GPBP1L1: variants seen among roughly 807,000 people sequenced by gnomAD.
The protein encoded by GPBP1L1 is vasculin-like protein 1.
Under a neutral mutation model 52.5 loss-of-function variants are expected in GPBP1L1, and 23 were observed. The observed-to-expected ratio is 0.44, with a 90% CI of 0.32 to 0.62. The LOEUF is 0.62. GPBP1L1 is among the 20% of genes least tolerant of loss of function. The pLI, the probability that GPBP1L1 is intolerant of heterozygous loss-of-function variation, is 0.06. For synonymous variants in GPBP1L1, 243 were observed against 203.1 expected, an observed-to-expected ratio of 1.20 and a Z score of -1.67; for missense variants, 596 against 579.3, an observed-to-expected ratio of 1.03 and a Z score of -0.30.
chr1:45,646,560 AT>A lies in GPBP1L1; in HGVS notation c.478-4062del, dbSNP rs199539916. Among the ~76,000 whole-genome samples, 418 of 144,568 alleles carry A rather than the reference AT, an allele frequency of 2.9e-3. 1 individual carries two copies. Among genetic ancestry groups the A allele is most frequent in the Middle Eastern group, 7.2e-3 (2 of 276 alleles). 94.8% of individuals were successfully genotyped at this position (144,568 alleles called of 152,430 possible). A position where few individuals can be genotyped will look rare whatever the true frequency, so the allele number is the denominator to read the frequency against. On this transcript the variant is annotated intron_variant, in intron 6 of 12. Transcript: ENST00000355105. ...ATGTTCCTGAATTATACTTTTCAGT[AT>A]TTTTTTTTTTTTTGAGACGGAGTCT...
intron 6 of GPBP1L1, chr1:45,654,299 G>T (rs1644856549): frequency 2.7e-6 from 1 of 366,760 alleles, no homozygotes; most frequent in Non-Finnish European, 4.9e-6. Flanking sequence ...AGACTTAAGA[G>T]AAATTAAATA....
chr1:45,630,652 G>C (rs370414605), intron 10 of GPBP1L1, 46 bp from the exon 11 acceptor site: 1 of 1,601,872 alleles, frequency 6.2e-7, no homozygotes, highest in African/African-American at 1.3e-5. Flanking sequence ...AGGTTCCTTT[G>C]TAGTAATATA....
intron 10 of GPBP1L1, among the ~76,000 whole-genome samples, chr1:45,632,605 A>G (rs900066977): frequency 2.0e-5 from 3 of 152,102 alleles, no homozygotes; most frequent in Admixed American, 6.5e-5. Flanking sequence ...AATCCCAGCT[A>G]CTCAGGAAGC....
chr1:45,637,549 C>A (rs888649992), intron 8 of GPBP1L1, among the ~76,000 whole-genome samples: 7 of 87,576 alleles, frequency 8.0e-5, no homozygotes, highest in African/African-American at 2.6e-4. Flanking sequence ...ATTAGTTTTC[C>A]AATCTTCATT....
At chr1:45,650,870 C>G (rs1644810998) in intron 6 of GPBP1L1, among the ~76,000 whole-genome samples, 1 of 152,228 alleles carries the variant, frequency 6.6e-6, no homozygotes, top group Non-Finnish European at 1.5e-5. Flanking sequence ...CCTAACCCAT[C>G]TCTTTGGCAT....
chr1:45,629,455 C>CCT (rs1557691705), intron 12 of GPBP1L1, 121 bp downstream of exon 12: 12 of 48,328 alleles, frequency 2.5e-4, no homozygotes, highest in South Asian at 6.4e-4. Flanking sequence ...CTAAGGTAAT[C>CCT]CCCCCCCCCC....
intron 2 of GPBP1L1, among the ~76,000 whole-genome samples, chr1:45,661,695 C>T (rs12130818): frequency 0.097 from 14,705 of 152,008 alleles, 876 homozygotes; most frequent in Non-Finnish European, 0.14. Flanking sequence ...CTTTGTGATC[C>T]GCCCACCTTG....
chr1:45,656,353 T>C (rs1644884281), intron 4 of GPBP1L1, among the ~76,000 whole-genome samples: 1 of 152,228 alleles, frequency 6.6e-6, no homozygotes, highest in Non-Finnish European at 1.5e-5. Context: ...TGGGTATGTT[T>C]GACAAGGAAA....
intron 2 of GPBP1L1, among the ~76,000 whole-genome samples, chr1:45,677,401 T>G (rs1645160447): frequency 6.6e-6 from 1 of 151,222 alleles, no homozygotes; most frequent in African/African-American, 2.4e-5. Context: ...TCCCAACTAC[T>G]TGGAAGGCTG....
At chr1:45,667,291 A>G (rs956783655) in intron 2 of GPBP1L1, among the ~76,000 whole-genome samples, 5 of 152,176 alleles carry the variant, frequency 3.3e-5, no homozygotes, top group African/African-American at 4.8e-5. Context: ...TTCAGATTAC[A>G]TAAGTACTTT....
chr1:45,642,776 C>T (rs1644690666), intron 6 of GPBP1L1, among the ~76,000 whole-genome samples: 1 of 152,116 alleles, frequency 6.6e-6, no homozygotes, highest in Non-Finnish European at 1.5e-5. Context: ...TGTGCGAATT[C>T]CCACTTTCCT....
rs143174540 is a variant in GPBP1L1 at position 45,680,009 on chromosome 1, G to A, written c.-1098+5567C>T. On this transcript the variant is annotated intron_variant, in intron 2 of 12. Coordinates refer to ENST00000355105, the MANE Select transcript of GPBP1L1 (RefSeq NM_021639.5). Reference sequence around the variant, plus strand: ...GTGGGAGGATCACTTGAGCCTAGGAGGTCAAAGCTGCAGTGAGCTATGAAC... The same window carrying A: ...GTGGGAGGATCACTTGAGCCTAGGAAGTCAAAGCTGCAGTGAGCTATGAAC... Among the ~76,000 whole-genome samples, 514 of 152,080 alleles carry A rather than the reference G, an allele frequency of 3.4e-3. 1 individual carries two copies. The highest frequency in any genetic ancestry group is 0.012 in the African/African-American group (501 of 41,484).
chr1:45,627,734 A>C lies in GPBP1L1; in HGVS notation c.*522T>G, dbSNP rs3198834. The stretch of plus-strand genomic sequence containing the variant: ...CCCAAAAAGGAAAAAGAAAAAAAAA[A>C]CAAAAAAAAACAACCAAAAAAACCC... On this transcript the variant is annotated 3_prime_UTR_variant, in exon 13 of 13. Transcript: ENST00000355105. The C allele has an allele frequency of 9.1e-3, 1,249 of 137,480 alleles. 8 individuals carry two copies. Among genetic ancestry groups the C allele is most frequent in the South Asian group, 0.016 (64 of 4,058 alleles). 8.5% of individuals were successfully genotyped at this position (137,480 alleles called of 1,614,324 possible). A position where few individuals can be genotyped will look rare whatever the true frequency, so the allele number is the denominator to read the frequency against.
At chr1:45,669,859 A>T (rs535345251) in intron 2 of GPBP1L1, among the ~76,000 whole-genome samples, 3 of 151,864 alleles carry the variant, frequency 2.0e-5, no homozygotes, top group African/African-American at 7.3e-5. Flanking sequence ...TTATATCCAT[A>T]AAAATGAAAA....
At chr1:45,662,743 A>G (rs1483554767) in intron 2 of GPBP1L1, among the ~76,000 whole-genome samples, 1 of 152,132 alleles carries the variant, frequency 6.6e-6, no homozygotes, top group African/African-American at 2.4e-5. Context: ...CTCTTTTTAT[A>G]AACTTCTAAC....
At chr1:45,654,950 T>A (rs1303112467) in intron 5 of GPBP1L1, 121 bp from the exon 6 acceptor site, 14 of 1,099,970 alleles carry the variant, frequency 1.3e-5, no homozygotes, top group Non-Finnish European at 1.8e-5. Context: ...AATAAAAAAA[T>A]GTATCTTTTC....
At chr1:45,679,318 GC>G (rs1461897497) in intron 2 of GPBP1L1, among the ~76,000 whole-genome samples, 2 of 152,200 alleles carry the variant, frequency 1.3e-5, no homozygotes, top group African/African-American at 4.8e-5. Context: ...CCAAGGTCAT[GC>G]CACAGGAAGA....
At chr1:45,664,269 G>A (rs868046388) in intron 2 of GPBP1L1, among the ~76,000 whole-genome samples, 9 of 151,980 alleles carry the variant, frequency 5.9e-5, no homozygotes, top group African/African-American at 1.5e-4. Context: ...GCAGTGAACC[G>A]AGATCGTTGC....
chr1:45,679,499 G>A (rs1221261529), intron 2 of GPBP1L1, among the ~76,000 whole-genome samples: 1 of 152,098 alleles, frequency 6.6e-6, no homozygotes, highest in East Asian at 1.9e-4. Flanking sequence ...AGCTGCCAGG[G>A]GTCCAGCACA....
Sources: allele counts gnomAD v4.1 joint callset (sites outside exome capture counted in the v4.1 genomes callset), GRCh38; gene constraint gnomAD v4.1.1; transcripts MANE v1.5; gene names NCBI Gene and HGNC (gene_info 2026-07-23, HGNC 2026-07-21).